Variants in TCF25 observed in about 807,000 individuals in gnomAD.
TCF25 encodes the protein TCF25 ribosome quality control complex subunit.
Under a neutral mutation model 83.1 loss-of-function variants are expected in TCF25, and 41 were observed. The observed-to-expected ratio is 0.49, with a 90% CI of 0.38 to 0.64. The LOEUF (loss-of-function observed/expected upper bound fraction) is 0.64, where lower values mean the gene tolerates loss of function less well. Among genes scored for constraint, TCF25 ranks in the 30% least tolerant of loss-of-function variants. The pLI is 0.00. For synonymous variants in TCF25, 458 were observed against 365.0 expected (o/e 1.25, Z -2.90); for missense variants, 979 against 914.5 (o/e 1.07, Z -0.91).
At chr16:89,878,122 A>G (rs1737369967) in intron 1 of TCF25, among the ~76,000 whole-genome samples, 2 of 151,594 alleles carry the variant, frequency 1.3e-5, no homozygotes, top group East Asian at 1.9e-4. Flanking sequence ...TACAAACAAT[A>G]CAAAAAAACT....
intron 1 of TCF25, among the ~76,000 whole-genome samples, chr16:89,878,851 G>C (rs942944554): frequency 3.3e-5 from 5 of 152,104 alleles, no homozygotes; most frequent in African/African-American, 4.8e-5. Flanking sequence ...CCGTGTTAGC[G>C]AGGATGGTCT....
At position 89,904,222 on chromosome 16, in the gene TCF25, G is replaced by T. The variant is rs1031547444; in HGVS notation, c.1469+17G>T. On this transcript the variant is annotated intron_variant, in intron 13 of 17. Coordinates refer to ENST00000263346, the MANE Select transcript of TCF25 (RefSeq NM_014972.3). ...TGAAATAAGGTAAAGAGTGGCTGGT[G>T]GTGCCCATCTGTGGGTGCCTGTGGG... The T allele has an allele frequency of 6.4e-7, 1 of 1,555,890 alleles. No homozygotes were observed. Among genetic ancestry groups the T allele is most frequent in the African/African-American group, 1.4e-5 (1 of 73,392 alleles).
chr16:89,898,490 G>T (rs947787051), intron 9 of TCF25, 67 bp from the exon 10 acceptor site: 2 of 1,533,256 alleles, frequency 1.3e-6, no homozygotes, highest in African/African-American at 1.4e-5. Context: ...GGTGCTGGCC[G>T]GGGCGCTGAG....
Position 89,905,034 on chromosome 16 carries a change from C to T in TCF25, c.1566C>T (p.Asn522=), listed in dbSNP as rs146680683. 2.1e-5 allele frequency: 33 copies of T among 1,602,402 alleles called. No individual in the cohort carries two copies. The highest frequency in any genetic ancestry group is 3.3e-4 in the Middle Eastern group (2 of 6,076). The stretch of plus-strand genomic sequence containing the variant: ...CCACCATGAGCTGGCTGGAGGAGAA[C>T]GTCCACGAGGTTCTGCAAGCAGTGG... The part of the protein sequence containing the change: ...EPATMSWLEE[N]VHEVLQAVDA... Residue 522 remains asparagine, a synonymous_variant, in exon 14 of 18, where the codon AAC becomes AAT. Transcript: ENST00000263346.
At chr16:89,876,420 T>A (rs915100446) in intron 1 of TCF25, among the ~76,000 whole-genome samples, 1 of 152,196 alleles carries the variant, frequency 6.6e-6, no homozygotes, top group African/African-American at 2.4e-5. Context: ...ACATGGTGTT[T>A]CTCTTTTTAA....
intron 16 of TCF25, among the ~76,000 whole-genome samples, chr16:89,907,989 C>G (rs201056457): frequency 6.2e-5 from 8 of 128,210 alleles, no homozygotes; most frequent in African/African-American, 6.1e-5. Flanking sequence ...CCAGCTCCCG[C>G]CTCCCACCTC....
In TCF25 at chr16:89,892,265, C is replaced by T. The variant is rs1168607435; in HGVS notation, c.687C>T (p.Tyr229=). The change falls in exon 6 of 18, where the codon TAC becomes TAT. Residue 229 remains tyrosine, a synonymous_variant. Coordinates refer to ENST00000263346, the MANE Select transcript of TCF25 (RefSeq NM_014972.3). ...CCCCTAAAAGCACCTGGCCCCGCTA[C>T]AGCAAACCAGGTGAGGGTCTGCAGA... The part of the protein sequence containing the change: ...LTTPKSTWPR[Y]SKPGLSMRLL... The T allele has an allele frequency of 3.7e-6, 6 of 1,611,904 alleles. No homozygotes were observed. The highest frequency in any genetic ancestry group is 5.1e-6 in the Non-Finnish European group (6 of 1,179,332).
At chr16:89,911,046 C>T in intron 17 of TCF25, 34 bp from the exon 18 acceptor site, 3 of 1,607,594 alleles carry the variant, frequency 1.9e-6, no homozygotes, top group Non-Finnish European at 1.7e-6. Context: ...CCAGCACAGA[C>T]AGCCCCCTTC....
intron 1 of TCF25, among the ~76,000 whole-genome samples, chr16:89,880,481 G>A (rs1449743703): frequency 4.6e-5 from 7 of 152,206 alleles, no homozygotes; most frequent in African/African-American, 1.4e-4. Flanking sequence ...TTACTCGGGA[G>A]GCTGAGGCAG....
At chr16:89,878,434 A>AC in intron 1 of TCF25, 1 of 1,005,712 alleles carries the variant, frequency 9.9e-7, no homozygotes, top group Non-Finnish European at 1.2e-6. Flanking sequence ...AAAAATCACC[A>AC]TTTTTTTTTT....
In TCF25 at chr16:89,907,182, G is replaced by A. The variant is rs535616521; in HGVS notation, c.1720-61G>A. ...TGGAGTCGACAGAAGGACTCTGCTG[G>A]GAGAGGTAGAGGCCCCCTGGCAGCA... On this transcript the variant is annotated intron_variant, in intron 15 of 17. Coordinates refer to ENST00000263346, the MANE Select transcript of TCF25 (RefSeq NM_014972.3). 3 of 1,537,480 alleles carry A rather than the reference G, an allele frequency of 2.0e-6. No homozygotes were observed. In the South Asian group the frequency reaches 3.4e-5, roughly 17 times the overall value.
At chr16:89,895,764 C>T (rs953000989) in intron 8 of TCF25, among the ~76,000 whole-genome samples, 1 of 152,228 alleles carries the variant, frequency 6.6e-6, no homozygotes. Context: ...GCAGTTGTGC[C>T]TCATGGTGTT....
rs139754191 is a variant in TCF25, at chr16:89,895,969, C to T, written c.929-21C>T. The T allele has an allele frequency of 2.5e-4, 398 of 1,610,636 alleles. No individual in the cohort carries two copies. The African/African-American group carries it at 4.7e-3, about 19-fold the overall frequency. Reference sequence around the variant, plus strand: ...CTGTGTGTGGCCATGACACCCTCCCCTGGCGTCCCTGTGCCCACAGAGAGA... The same window carrying T: ...CTGTGTGTGGCCATGACACCCTCCCTTGGCGTCCCTGTGCCCACAGAGAGA... On this transcript the variant is annotated intron_variant, in intron 8 of 17. Coordinates refer to ENST00000263346, the MANE Select transcript of TCF25 (RefSeq NM_014972.3).
intron 1 of TCF25, among the ~76,000 whole-genome samples, chr16:89,876,753 C>T (rs531213724): frequency 1.1e-3 from 162 of 152,052 alleles, no homozygotes; most frequent in African/African-American, 3.1e-3. Flanking sequence ...GGTGAAACCC[C>T]GCCTCTACTA....
intron 1 of TCF25, among the ~76,000 whole-genome samples, 179 bp downstream of exon 1, chr16:89,874,038 C>G (rs1339512149): frequency 8.1e-6 from 1 of 123,222 alleles, no homozygotes. Flanking sequence ...CGCGGGTGGG[C>G]GGTGGCGTGG....
chr16:89,910,762 G>T, intron 17 of TCF25, 99 bp downstream of exon 17: 1 of 1,367,094 alleles, frequency 7.3e-7, no homozygotes. Context: ...GACTGTGCCA[G>T]CCGGCACAGG....
chr16:89,900,819 G>A, intron 12 of TCF25, 25 bp downstream of exon 12: 1 of 1,542,530 alleles, frequency 6.5e-7, no homozygotes, highest in Non-Finnish European at 8.9e-7. Flanking sequence ...TGTCTCGCCT[G>A]GGGTAGGGGT....
Position 89,904,916 on chromosome 16 carries a change from C to G in TCF25, c.1470-22C>G, listed in dbSNP as rs780715331. 1.1e-5 allele frequency: 18 copies of G among 1,594,802 alleles called. No homozygotes were observed. In the South Asian group the frequency reaches 1.8e-4, roughly 16 times the overall value. On this transcript the variant is annotated intron_variant, in intron 13 of 17. Coordinates refer to ENST00000263346, the MANE Select transcript of TCF25 (RefSeq NM_014972.3). Reference sequence around the variant, plus strand: ...CTGTGGTCTGAAGAGGGGTTCTGCTCAGAGCCCTTGCTCTCCCCCAGCCAG... The same window carrying G: ...CTGTGGTCTGAAGAGGGGTTCTGCTGAGAGCCCTTGCTCTCCCCCAGCCAG...
At chr16:89,895,347 C>T (rs1264291699) in intron 8 of TCF25, among the ~76,000 whole-genome samples, 1 of 152,216 alleles carries the variant, frequency 6.6e-6, no homozygotes, top group Non-Finnish European at 1.5e-5. Context: ...GCTGGGACTA[C>T]AGGCGCCCGC....
Sources: gnomAD v4.1 joint callset for allele counts (sites outside exome capture counted in the v4.1 genomes callset) on GRCh38, gnomAD v4.1.1 for gene constraint, MANE v1.5 for transcripts, NCBI Gene and HGNC (gene_info 2026-07-23, HGNC 2026-07-21) for gene names.